Variants in RGPD3 observed in about 807,000 individuals in gnomAD.
RGPD3 encodes RANBP2 like and GRIP domain containing 3.
A neutral mutation model predicts 154.5 loss-of-function variants in RGPD3; 62 were observed. The observed-to-expected ratio is 0.40, with a 90% CI of 0.33 to 0.50. RGPD3 has a LOEUF of 0.50. Among genes scored for constraint, RGPD3 ranks in the 20% least tolerant of loss-of-function variants. The pLI, the probability that RGPD3 is intolerant of heterozygous loss-of-function variation, is 0.59. For synonymous variants in RGPD3, 308 were observed against 607.0 expected (o/e 0.51, Z 7.24); for missense variants, 919 against 1,716.8 (o/e 0.54, Z 8.21).
chr2:106,435,493 G>GT (rs1157526607), intron 12 of RGPD3, among the ~76,000 whole-genome samples: 826 of 140,754 alleles, frequency 5.9e-3, no homozygotes, highest in African/African-American at 0.021. Flanking sequence ...TTTTAGTAGA[G>GT]TTTTTTTTGT....
chr2:106,405,548 T>C (rs560740038), intron 22 of RGPD3, among the ~76,000 whole-genome samples: 156 of 151,778 alleles, frequency 1.0e-3, no homozygotes, highest in African/African-American at 3.7e-3. Flanking sequence ...GGGTAATTTT[T>C]TGTTTTTTGG....
At chr2:106,414,522 T>A (rs1045764103) in intron 21 of RGPD3, among the ~76,000 whole-genome samples, 1 of 137,576 alleles carries the variant, frequency 7.3e-6, no homozygotes, top group African/African-American at 2.6e-5. Context: ...CTCAGGAGGC[T>A]GAGGCAGGGG....
chr2:106,429,960 C>T (rs1186192084), intron 17 of RGPD3, among the ~76,000 whole-genome samples, 179 bp from the exon 18 acceptor site: 12 of 151,860 alleles, frequency 7.9e-5, no homozygotes, highest in African/African-American at 1.5e-4. Flanking sequence ...CTTGGCTCAC[C>T]GCAACCTCCA....
chr2:106,470,906 T>C (rs1454922804), upstream of RGPD3: 39 of 1,581,268 alleles, frequency 2.5e-5, no homozygotes, highest in Non-Finnish European at 3.3e-5. Context: ...GAGAGGGAGC[T>C]GGCAGTCCAG....
chr2:106,445,284 G>A (rs75489434), intron 7 of RGPD3, among the ~76,000 whole-genome samples: 264 of 150,162 alleles, frequency 1.8e-3, no homozygotes, highest in Admixed American at 3.2e-3. Context: ...GTGAGACTCC[G>A]TCTCAAAAAA....
At chr2:106,449,665 C>G (rs1678050190) in intron 6 of RGPD3, among the ~76,000 whole-genome samples, 1 of 151,890 alleles carries the variant, frequency 6.6e-6, no homozygotes, top group Non-Finnish European at 1.5e-5. Flanking sequence ...ATCACGATGT[C>G]AAGAGATTGA....
At chr2:106,467,840 C>T (rs1178309433) in intron 1 of RGPD3, among the ~76,000 whole-genome samples, 1 of 139,296 alleles carries the variant, frequency 7.2e-6, no homozygotes, top group Non-Finnish European at 1.6e-5. Context: ...CAGGGAGCAG[C>T]GCCCGTCGGG....
chr2:106,470,099 G>A (rs534740308), upstream of RGPD3, among the ~76,000 whole-genome samples: 443 of 152,148 alleles, frequency 2.9e-3, no homozygotes, highest in Non-Finnish European at 5.3e-3. Flanking sequence ...ACTGTTCTAA[G>A]GAAATAATTA....
upstream of RGPD3, among the ~76,000 whole-genome samples, chr2:106,470,553 A>T (rs1477593441): frequency 3.3e-5 from 5 of 151,950 alleles, no homozygotes; most frequent in East Asian, 9.6e-4. Flanking sequence ...CAGACAGTAC[A>T]TCAACTCCAC....
In RGPD3 at chr2:106,415,992, G is replaced by C. The variant is rs1485967555; in HGVS notation, c.4925-3C>G. On this transcript the variant is annotated splice_region_variant and splice_polypyrimidine_tract_variant and intron_variant, in intron 20 of 22. Transcript: ENST00000409886. ...TTCAGCATACCATAATGGAGGCTCT[G>C]CAACATGTTGTTCCAAGAATTAATT... 37 of 1,611,528 alleles carry C rather than the reference G, an allele frequency of 2.3e-5. No homozygotes were observed. The highest frequency in any genetic ancestry group is 3.1e-5 in the Non-Finnish European group (36 of 1,179,774).
intron 12 of RGPD3, 105 bp from the exon 13 acceptor site, chr2:106,435,307 A>G: frequency 6.9e-7 from 1 of 1,449,888 alleles, no homozygotes. Flanking sequence ...AGTCAAAACC[A>G]AATGGTACCT....
intron 1 of RGPD3, among the ~76,000 whole-genome samples, chr2:106,467,878 G>C: frequency 7.1e-6 from 1 of 141,308 alleles, no homozygotes; most frequent in Non-Finnish European, 1.5e-5. Context: ...CATCGAGGCC[G>C]CCGCAGGGCC....
intron 17 of RGPD3, among the ~76,000 whole-genome samples, chr2:106,432,322 G>A (rs1418111455): frequency 2.0e-5 from 3 of 148,188 alleles, no homozygotes; most frequent in Non-Finnish European, 3.0e-5. Context: ...GCCTGGTGGC[G>A]GGTGCCTGTA....
chr2:106,436,406 C>G lies in RGPD3; in HGVS notation c.1634+8G>C. 1 of 1,360,528 alleles carries G rather than the reference C, an allele frequency of 7.4e-7. No individual in the cohort carries two copies. Among genetic ancestry groups the G allele is most frequent in the Non-Finnish European group, 1.0e-6 (1 of 988,072 alleles). 84.3% of individuals were successfully genotyped at this position (1,360,528 alleles called of 1,614,324 possible). ...AAGTGAAAGCAATATTTTTGTTTTA[C>G]TACTTACACTGCTTTTCTGTGAATC... is the stretch of plus-strand genomic sequence containing the variant. On this transcript the variant is annotated splice_region_variant and intron_variant, in intron 11 of 22. Transcript: ENST00000409886.
At position 106,424,191 on chromosome 2, in the gene RGPD3, A is replaced by T. The variant is rs1224381970; in HGVS notation, c.3776T>A (p.Leu1259Ter). The change falls in exon 20 of 23, where the codon TTG becomes TAG. Residue 1259 changes from leucine to a stop codon, truncating the protein, a stop_gained. Transcript: ENST00000409886. LOFTEE classifies it high-confidence loss of function. ...TGAGCTACTACTGACACTATCATCCAAAGCATCTTCCCTTAAATCATAGTT... is the reference window on the plus strand; with the variant it reads ...TGAGCTACTACTGACACTATCATCCTAAGCATCTTCCCTTAAATCATAGTT... ...WDNYDLREDA[L>*]DDSVSSSSVH... The T allele has an allele frequency of 2.5e-6, 4 of 1,611,756 alleles. No homozygotes were observed. The highest frequency in any genetic ancestry group is 3.4e-6 in the Non-Finnish European group (4 of 1,179,852).
intron 1 of RGPD3, among the ~76,000 whole-genome samples, chr2:106,462,377 C>G (rs1265290971): frequency 6.6e-6 from 1 of 150,828 alleles, no homozygotes; most frequent in South Asian, 2.1e-4. Flanking sequence ...GGAACTGAAG[C>G]TCAAGCAGGC....
intron 22 of RGPD3, among the ~76,000 whole-genome samples, chr2:106,409,202 C>T (rs1573236431): frequency 6.6e-6 from 1 of 152,112 alleles, no homozygotes; most frequent in African/African-American, 2.4e-5. Context: ...GAGTGGCTCT[C>T]AGACCTTTCT....
In RGPD3 at chr2:106,466,327, C is replaced by CT. The variant is rs568808020; in HGVS notation, c.72+1889_72+1890insA. 2.0e-3 allele frequency among the ~76,000 whole-genome samples: 306 copies of CT among 150,770 alleles called. 2 individuals carry two copies. Among genetic ancestry groups the CT allele is most frequent in the South Asian group, 0.02 (96 of 4,788 alleles). ...ACAGAGCGCGCCAGGGAGCAGCGCC[C>CT]GTCAGGAGCCATGACGCCTGAGCCA... On this transcript the variant is annotated intron_variant, in intron 1 of 22. Coordinates refer to ENST00000409886, the MANE Select transcript of RGPD3 (RefSeq NM_001144013.2).
At chr2:106,417,701 A>G (rs566291651) in intron 20 of RGPD3, among the ~76,000 whole-genome samples, 8 of 151,152 alleles carry the variant, frequency 5.3e-5, no homozygotes, top group Non-Finnish European at 1.2e-4. Context: ...GTTAAGTATG[A>G]GATTGTTCAA....
Sources: gnomAD v4.1 joint callset for allele counts (sites outside exome capture counted in the v4.1 genomes callset) on GRCh38, gnomAD v4.1.1 for gene constraint, MANE v1.5 for transcripts, NCBI Gene and HGNC (gene_info 2026-07-23, HGNC 2026-07-21) for gene names.